Variants in PDE11A observed in about 807,000 individuals in gnomAD.
The protein encoded by PDE11A is phosphodiesterase 11A.
In PDE11A, 100 loss-of-function variants were observed where a neutral mutation model predicts 100.5. The observed-to-expected ratio is 1.00, with a 90% CI of 0.85 to 1.18. The LOEUF is 1.18. Ranked by LOEUF, PDE11A falls within the 50% of genes most tolerant of loss-of-function variation. PDE11A has a pLI of 0.00. For synonymous variants in PDE11A, 381 were observed against 420.8 expected (o/e 0.91, Z 1.16); for missense variants, 1,141 against 1,152.6 (o/e 0.99, Z 0.15).
chr2:177,886,180 A>G (rs1246815816), intron 4 of PDE11A, among the ~76,000 whole-genome samples: 1 of 152,248 alleles, frequency 6.6e-6, no homozygotes, highest in East Asian at 1.9e-4. Flanking sequence ...AACAGTAAGC[A>G]GGGAATATTC....
chr2:177,848,878 G>A (rs934373745), intron 5 of PDE11A, among the ~76,000 whole-genome samples: 63 of 152,282 alleles, frequency 4.1e-4, no homozygotes, highest in African/African-American at 1.5e-3. Context: ...AGAGAACTGT[G>A]TGAAAATAAA....
chr2:177,709,013 A>T lies in PDE11A; in HGVS notation c.2153+2756T>A, dbSNP rs192905969. On this transcript the variant is annotated intron_variant, in intron 13 of 19. Coordinates refer to ENST00000286063, the MANE Select transcript of PDE11A (RefSeq NM_016953.4). ...GAGAAGGGCATGCCAGGCAGGGGAAACAGCATATTGGGCAGCAGAGAGATG... is the reference window on the plus strand; with the variant it reads ...GAGAAGGGCATGCCAGGCAGGGGAATCAGCATATTGGGCAGCAGAGAGATG... 1.6e-4 allele frequency among the ~76,000 whole-genome samples: 25 copies of T among 152,260 alleles called. No homozygotes were observed. The East Asian group carries it at 4.8e-3, about 29-fold the overall frequency.
chr2:177,689,947 G>A (rs944410212), intron 15 of PDE11A, among the ~76,000 whole-genome samples: 1 of 152,138 alleles, frequency 6.6e-6, no homozygotes, highest in African/African-American at 2.4e-5. Flanking sequence ...ACAGCCCTTC[G>A]CTGCTAGATG....
intron 2 of PDE11A, among the ~76,000 whole-genome samples, chr2:177,948,009 G>A (rs2105780832): frequency 6.6e-6 from 1 of 151,478 alleles, no homozygotes; most frequent in African/African-American, 2.4e-5. Flanking sequence ...TGGTAGGCAG[G>A]TAGGTAGGTA....
At chr2:177,945,056 G>A (rs930809779) in intron 2 of PDE11A, among the ~76,000 whole-genome samples, 38 of 149,578 alleles carry the variant, frequency 2.5e-4, no homozygotes, top group Non-Finnish European at 1.2e-4. Flanking sequence ...CCCTAACCGC[G>A]AGTGATCCGC....
intron 4 of PDE11A, among the ~76,000 whole-genome samples, chr2:177,892,170 C>A (rs1051803703): frequency 7.2e-5 from 11 of 152,112 alleles, no homozygotes; most frequent in African/African-American, 2.4e-4. Context: ...GTCATATTGG[C>A]TCCCTCATAC....
chr2:177,950,927 G>A (rs553836169), intron 2 of PDE11A, among the ~76,000 whole-genome samples: 3 of 150,548 alleles, frequency 2.0e-5, no homozygotes, highest in Non-Finnish European at 4.4e-5. Flanking sequence ...GTGAGACTCC[G>A]TCTCAAAAAA....
chr2:178,049,252 T>C (rs967479072), intron 1 of PDE11A, among the ~76,000 whole-genome samples: 2 of 152,188 alleles, frequency 1.3e-5, no homozygotes, highest in Non-Finnish European at 2.9e-5. Context: ...AGATTTGAGA[T>C]GGTTTTACAA....
Position 177,830,217 on chromosome 2 carries a change from T to A in PDE11A, c.1501-9922A>T, listed in dbSNP as rs193004729. Among the ~76,000 whole-genome samples, 9 of 152,300 alleles carry A rather than the reference T, an allele frequency of 5.9e-5. No homozygotes were observed. In the East Asian group the frequency reaches 9.7e-4, roughly 16 times the overall value. The stretch of plus-strand genomic sequence containing the variant: ...AAATGAGAATTCCACACGGCCAATA[T>A]CTTAATTTCAGCCTTGTGAGACCCT... On this transcript the variant is annotated intron_variant, in intron 6 of 19. Coordinates refer to ENST00000286063, the MANE Select transcript of PDE11A (RefSeq NM_016953.4).
chr2:177,848,161 T>C (rs1483963243), intron 5 of PDE11A, among the ~76,000 whole-genome samples: 1 of 152,216 alleles, frequency 6.6e-6, no homozygotes, highest in East Asian at 1.9e-4. Context: ...CATTTGTCCA[T>C]GTTTAATTTC....
At chr2:177,765,517 T>TCGATGC (rs747910802) in intron 10 of PDE11A, among the ~76,000 whole-genome samples, 2 of 152,188 alleles carry the variant, frequency 1.3e-5, no homozygotes, top group African/African-American at 2.4e-5. Context: ...ATTGATTCCA[T>TCGATGC]CGATGCCATC....
At chr2:177,939,488 A>G (rs1262408241) in intron 2 of PDE11A, among the ~76,000 whole-genome samples, 1 of 102,748 alleles carries the variant, frequency 9.7e-6, no homozygotes, top group Non-Finnish European at 1.9e-5. Flanking sequence ...AAGAAGGGAG[A>G]GAGGGAGGAG....
intron 2 of PDE11A, among the ~76,000 whole-genome samples, chr2:177,987,193 T>C (rs1303094327): frequency 6.6e-6 from 1 of 152,126 alleles, no homozygotes; most frequent in Non-Finnish European, 1.5e-5. Flanking sequence ...CAGCTTTTCT[T>C]ACTGTGAGAA....
At chr2:177,755,360 A>G (rs1260891291) in intron 10 of PDE11A, among the ~76,000 whole-genome samples, 11 of 152,184 alleles carry the variant, frequency 7.2e-5, no homozygotes, top group Non-Finnish European at 1.6e-4. Flanking sequence ...CAGAGCGATC[A>G]CTTGTGGGTG....
intron 9 of PDE11A, among the ~76,000 whole-genome samples, chr2:177,776,138 G>A (rs1438041): frequency 0.088 from 13,456 of 152,094 alleles, 629 homozygotes; most frequent in Middle Eastern, 0.15. Context: ...TTATATATGA[G>A]CATAAAGTAA....
At chr2:177,647,962 A>G (rs1372876519) in intron 19 of PDE11A, among the ~76,000 whole-genome samples, 1 of 152,022 alleles carries the variant, frequency 6.6e-6, no homozygotes, top group African/African-American at 2.4e-5. Context: ...AAATTTAAAA[A>G]TTAGCTTGGT....
intron 10 of PDE11A, among the ~76,000 whole-genome samples, chr2:177,734,697 T>C (rs1316815209): frequency 6.6e-6 from 1 of 152,200 alleles, no homozygotes; most frequent in Non-Finnish European, 1.5e-5. Context: ...ATTCTTTGTA[T>C]AAACAATCAC....
At chr2:177,950,999 CTG>C (rs966317724) in intron 2 of PDE11A, among the ~76,000 whole-genome samples, 3 of 152,114 alleles carry the variant, frequency 2.0e-5, no homozygotes, top group African/African-American at 4.8e-5. Context: ...GATGAAGAAA[CTG>C]TGATATAGAC....
At chr2:177,795,705 T>C (rs965907769) in intron 9 of PDE11A, among the ~76,000 whole-genome samples, 100 of 151,898 alleles carry the variant, frequency 6.6e-4, no homozygotes, top group Non-Finnish European at 5.6e-4. Context: ...ATTTATGGGG[T>C]ACATGTGTTT....
Sources: allele counts gnomAD v4.1 joint callset (sites outside exome capture counted in the v4.1 genomes callset), GRCh38; gene constraint gnomAD v4.1.1; transcripts MANE v1.5; gene names NCBI Gene and HGNC (gene_info 2026-07-23, HGNC 2026-07-21).